SIPA1L1: variants seen among roughly 807,000 people sequenced by gnomAD.
SIPA1L1 encodes signal-induced proliferation-associated 1-like protein 1.
In SIPA1L1, 26 loss-of-function variants were observed where a neutral mutation model predicts 162.7. The ratio of observed to expected loss-of-function variants is 0.16; its 90% CI spans 0.12 to 0.22. The LOEUF is 0.22. SIPA1L1 is among the 10% of genes least tolerant of loss of function. The pLI, the probability that SIPA1L1 is intolerant of heterozygous loss-of-function variation, is 1.00. For synonymous variants in SIPA1L1, 829 were observed against 837.4 expected (o/e 0.99, Z 0.17); for missense variants, 1,874 against 2,241.0 (o/e 0.84, Z 3.31).
intron 3 of SIPA1L1, among the ~76,000 whole-genome samples, chr14:71,519,684 T>A (rs1321868126): frequency 1.3e-5 from 2 of 150,320 alleles, no homozygotes; most frequent in African/African-American, 2.4e-5. Context: ...AAAAAAAAAA[T>A]AGCCAGACAT....
chr14:71,355,214 C>T (rs952152982), intron 2 of SIPA1L1, among the ~76,000 whole-genome samples: 1 of 152,212 alleles, frequency 6.6e-6, no homozygotes, highest in Non-Finnish European at 1.5e-5. Context: ...GTATTATTAA[C>T]CGCTGATTAC....
chr14:71,558,776 C>T (rs2056553594), intron 4 of SIPA1L1, among the ~76,000 whole-genome samples: 1 of 152,090 alleles, frequency 6.6e-6, no homozygotes, highest in Non-Finnish European at 1.5e-5. Context: ...CTCAAACCTC[C>T]AGGGTCAACC....
At chr14:71,686,006 T>C (rs550703144) in intron 13 of SIPA1L1, among the ~76,000 whole-genome samples, 5 of 152,318 alleles carry the variant, frequency 3.3e-5, no homozygotes, top group Admixed American at 3.3e-4. Flanking sequence ...GAAATGATGA[T>C]ATAAGAGCAA....
chr14:71,722,090 G>C (rs1444072473), intron 17 of SIPA1L1, among the ~76,000 whole-genome samples: 1 of 152,192 alleles, frequency 6.6e-6, no homozygotes, highest in East Asian at 1.9e-4. Flanking sequence ...CCTCTCTGAC[G>C]TGCACAGATT....
intron 17 of SIPA1L1, among the ~76,000 whole-genome samples, chr14:71,720,059 A>C (rs563775505): frequency 3.5e-4 from 54 of 152,122 alleles, no homozygotes; most frequent in Non-Finnish European, 5.6e-4. Flanking sequence ...TTTTCTTGCT[A>C]CTTTCAGATA....
At chr14:71,509,113 A>G (rs137885212) in intron 2 of SIPA1L1, among the ~76,000 whole-genome samples, 13 of 152,210 alleles carry the variant, frequency 8.5e-5, no homozygotes, top group East Asian at 7.7e-4. Context: ...ACTTGTAACG[A>G]GTTACAGTTC....
intron 7 of SIPA1L1, among the ~76,000 whole-genome samples, chr14:71,640,922 G>A (rs1214530088): frequency 6.6e-6 from 1 of 152,164 alleles, no homozygotes; most frequent in Non-Finnish European, 1.5e-5. Context: ...ACCACACCCA[G>A]CCTATATTGA....
chr14:71,614,355 G>A (rs1290458541), intron 5 of SIPA1L1, among the ~76,000 whole-genome samples: 6 of 152,090 alleles, frequency 3.9e-5, no homozygotes, highest in Non-Finnish European at 8.8e-5. Flanking sequence ...TATGGAAAGA[G>A]TTTTTTCTAT....
intron 2 of SIPA1L1, among the ~76,000 whole-genome samples, chr14:71,365,965 G>A (rs990679883): frequency 4.1e-5 from 6 of 148,008 alleles, no homozygotes; most frequent in South Asian, 2.1e-4. Context: ...GGCTCAAGCC[G>A]TCCTCCTGCC....
At chr14:71,376,206 T>A (rs1027480891) in intron 2 of SIPA1L1, among the ~76,000 whole-genome samples, 3 of 152,158 alleles carry the variant, frequency 2.0e-5, no homozygotes, top group Non-Finnish European at 4.4e-5. Flanking sequence ...AGATTTGATG[T>A]CTTTAAAAAA....
At chr14:71,416,641 T>TATACTTCCTTCCTAAGTGC (rs2042781159) in intron 2 of SIPA1L1, among the ~76,000 whole-genome samples, 2 of 151,998 alleles carry the variant, frequency 1.3e-5, no homozygotes, top group East Asian at 3.9e-4. Flanking sequence ...CTTCTAAGTG[T>TATACTTCCTTCCTAAGTGC]ATACTTCCTT....
At chr14:71,453,086 G>A (rs981377558) in intron 2 of SIPA1L1, among the ~76,000 whole-genome samples, 1 of 152,100 alleles carries the variant, frequency 6.6e-6, no homozygotes, top group Non-Finnish European at 1.5e-5. Flanking sequence ...AATATTTAAA[G>A]TTATCTATCT....
chr14:71,649,701 G>A (rs1212326519), intron 7 of SIPA1L1, among the ~76,000 whole-genome samples: 3 of 152,148 alleles, frequency 2.0e-5, no homozygotes, highest in African/African-American at 7.2e-5. Context: ...CTCTTTTAAA[G>A]TTTCTCTGCA....
At chr14:71,653,979 G>A (rs746547064) in intron 8 of SIPA1L1, among the ~76,000 whole-genome samples, 31 of 152,124 alleles carry the variant, frequency 2.0e-4, no homozygotes, top group Non-Finnish European at 4.4e-5. Flanking sequence ...CCCCAAGACC[G>A]GCCTTTAGCC....
At chr14:71,517,515 C>T (rs550363504) in intron 3 of SIPA1L1, among the ~76,000 whole-genome samples, 56 of 152,010 alleles carry the variant, frequency 3.7e-4, no homozygotes, top group East Asian at 9.7e-4. Context: ...TGTCTCCGGG[C>T]GACACGTCTC....
chr14:71,535,085 G>T (rs2053776253), intron 4 of SIPA1L1, among the ~76,000 whole-genome samples: 1 of 152,160 alleles, frequency 6.6e-6, no homozygotes, highest in Non-Finnish European at 1.5e-5. Context: ...CCGTCCAGAA[G>T]TGGCCATTAC....
chr14:71,328,784 T>C (rs2034144843), intron 2 of SIPA1L1, among the ~76,000 whole-genome samples: 1 of 152,216 alleles, frequency 6.6e-6, no homozygotes, highest in Non-Finnish European at 1.5e-5. Context: ...AAAAAAATTG[T>C]GGTAAAAACA....
intron 5 of SIPA1L1, among the ~76,000 whole-genome samples, chr14:71,607,032 A>G (rs1245511516): frequency 6.6e-6 from 1 of 152,078 alleles, no homozygotes; most frequent in Non-Finnish European, 1.5e-5. Context: ...ATTGAAGCTT[A>G]AATAGCACCT....
chr14:71,551,918 C>A (rs1461767530), intron 4 of SIPA1L1, among the ~76,000 whole-genome samples: 1 of 152,308 alleles, frequency 6.6e-6, no homozygotes, highest in Admixed American at 6.5e-5. Flanking sequence ...CACAAAGAGG[C>A]CTTCCTTGAC....
Sources: gnomAD v4.1 joint callset for allele counts (sites outside exome capture counted in the v4.1 genomes callset) on GRCh38, gnomAD v4.1.1 for gene constraint, MANE v1.5 for transcripts, NCBI Gene and HGNC (gene_info 2026-07-23, HGNC 2026-07-21) for gene names.